LRRTM4: variants seen among roughly 807,000 people sequenced by gnomAD.
LRRTM4 encodes the protein leucine-rich repeat transmembrane neuronal protein 4.
A neutral mutation model predicts 47.6 loss-of-function variants in LRRTM4; 25 were observed. The ratio of observed to expected loss-of-function variants is 0.53; its 90% CI spans 0.38 to 0.73. LRRTM4 has a LOEUF of 0.73. Among genes scored for constraint, LRRTM4 ranks in the 30% least tolerant of loss-of-function variants. The pLI, the probability that LRRTM4 is intolerant of heterozygous loss-of-function variation, is 0.00. For missense variants in LRRTM4, 638 were observed against 713.4 expected (o/e 0.89, Z 1.20); for synonymous variants, 311 against 269.5 (o/e 1.15, Z -1.51).
intron 3 of LRRTM4, among the ~76,000 whole-genome samples, chr2:76,830,407 A>T (rs1429390520): frequency 6.6e-6 from 1 of 151,684 alleles, no homozygotes; most frequent in Non-Finnish European, 1.5e-5. Flanking sequence ...CTGATATTTT[A>T]TTTTTTTAAT....
At chr2:76,959,986 G>A (rs1675800958) in intron 3 of LRRTM4, among the ~76,000 whole-genome samples, 1 of 151,002 alleles carries the variant, frequency 6.6e-6, no homozygotes, top group South Asian at 2.1e-4. Context: ...ATTAAAAATG[G>A]AAACTTGGCC....
At chr2:77,396,793 C>A (rs2103826137) in intron 3 of LRRTM4, among the ~76,000 whole-genome samples, 2 of 151,990 alleles carry the variant, frequency 1.3e-5, no homozygotes, top group East Asian at 3.9e-4. Flanking sequence ...GATTAAACAG[C>A]ATTGTTGCTG....
chr2:77,090,819 C>A (rs1271171193), intron 3 of LRRTM4, among the ~76,000 whole-genome samples: 1 of 152,038 alleles, frequency 6.6e-6, no homozygotes, highest in East Asian at 1.9e-4. Flanking sequence ...CTGACTGACT[C>A]CTCCTCGGCT....
intron 3 of LRRTM4, among the ~76,000 whole-genome samples, chr2:77,269,008 G>A (rs1676124834): frequency 6.6e-6 from 1 of 152,116 alleles, no homozygotes; most frequent in African/African-American, 2.4e-5. Flanking sequence ...ACTATAGCTT[G>A]AGAACCACTG....
chr2:76,930,023 T>C (rs991949209), intron 3 of LRRTM4, among the ~76,000 whole-genome samples: 1 of 152,010 alleles, frequency 6.6e-6, no homozygotes, highest in African/African-American at 2.4e-5. Context: ...AAAAACTATC[T>C]CTGGTGGTTA....
chr2:77,256,575 G>A (rs1675772938), intron 3 of LRRTM4, among the ~76,000 whole-genome samples: 2 of 152,016 alleles, frequency 1.3e-5, no homozygotes, highest in Admixed American at 1.3e-4. Flanking sequence ...TTTTATAAAG[G>A]AGAGTTGCCC....
intron 3 of LRRTM4, among the ~76,000 whole-genome samples, chr2:77,169,187 C>A (rs960465621): frequency 6.6e-6 from 1 of 152,032 alleles, no homozygotes; most frequent in African/African-American, 2.4e-5. Context: ...CTACTTTCAC[C>A]ATTCTTATTT....
chr2:77,468,773 C>T (rs1439868042), intron 3 of LRRTM4, among the ~76,000 whole-genome samples: 1 of 152,130 alleles, frequency 6.6e-6, no homozygotes, highest in Non-Finnish European at 1.5e-5. Context: ...CCTGGCCAAA[C>T]TCTCATGATG....
rs1171560206 is a variant in LRRTM4 at position 76,939,035 on chromosome 2, GA to G, written c.1552-190120del. The stretch of plus-strand genomic sequence containing the variant: ...ATTATGAATAAGTTAGGGGAATCTA[GA>G]AAACTCCCCACACATTCTACTTTCT... On this transcript the variant is annotated intron_variant, in intron 3 of 3. Coordinates refer to ENST00000409884, the MANE Select transcript of LRRTM4 (RefSeq NM_001134745.3). 2.0e-5 allele frequency among the ~76,000 whole-genome samples: 3 copies of G among 151,894 alleles called. No homozygotes were observed. The East Asian group carries it at 5.8e-4, about 29-fold the overall frequency.
chr2:76,963,464 G>A (rs754759000), intron 3 of LRRTM4, among the ~76,000 whole-genome samples: 9 of 150,906 alleles, frequency 6.0e-5, no homozygotes, highest in Middle Eastern at 3.4e-3. Flanking sequence ...CAGGCAATAC[G>A]TAATATAAAC....
In LRRTM4 at chr2:76,947,419, G is replaced by T. The variant is rs551520531; in HGVS notation, c.1552-198503C>A. ...GAATTTGAAGCCAGGTTCTTATGAG[G>T]AATAGTCATTATACACTAAATACAA... On this transcript the variant is annotated intron_variant, in intron 3 of 3. Transcript: ENST00000409884. 2.6e-5 allele frequency among the ~76,000 whole-genome samples: 4 copies of T among 151,858 alleles called. No individual in the cohort carries two copies. The South Asian group carries it at 8.3e-4, about 32-fold the overall frequency.
chr2:77,083,853 G>A (rs1260420921), intron 3 of LRRTM4, among the ~76,000 whole-genome samples: 1 of 125,890 alleles, frequency 7.9e-6, no homozygotes, highest in South Asian at 2.6e-4. Flanking sequence ...CGCCCAGGCT[G>A]GAGTGCAATG....
chr2:77,518,779 G>A lies in LRRTM4; in HGVS notation c.1090C>T (p.Gln364Ter). Residue 364 changes from glutamine (Q) to a stop codon, truncating the protein, a stop_gained, in exon 3 of 4, where the codon CAG becomes TAG. Transcript: ENST00000409884. LOFTEE classifies it high-confidence loss of function. The stretch of plus-strand genomic sequence containing the variant: ...TGTGATCTTTCTGTGTTGACCACCT[G>A]GACTTCAGAACAGATATTATATGTT... Reference protein sequence around the residue: ...VETYNICSEVQVVNTERSHLV... With the variant: ...VETYNICSEV 6.2e-7 allele frequency: 1 copy of A among 1,613,016 alleles called. No homozygotes were observed. The highest frequency in any genetic ancestry group is 1.3e-5 in the African/African-American group (1 of 74,978).
At chr2:76,776,526 T>C (rs1674002654) in intron 3 of LRRTM4, among the ~76,000 whole-genome samples, 1 of 152,020 alleles carries the variant, frequency 6.6e-6, no homozygotes, top group Non-Finnish European at 1.5e-5. Flanking sequence ...GAGCATTTTT[T>C]CATGTGTTTT....
intron 3 of LRRTM4, among the ~76,000 whole-genome samples, chr2:76,932,251 G>A (rs1427083267): frequency 6.6e-6 from 1 of 152,010 alleles, no homozygotes; most frequent in Non-Finnish European, 1.5e-5. Context: ...TACTAGGGAG[G>A]GGTAAAATTT....
At chr2:77,229,408 C>G (rs1674903394) in intron 3 of LRRTM4, among the ~76,000 whole-genome samples, 1 of 152,078 alleles carries the variant, frequency 6.6e-6, no homozygotes, top group Middle Eastern at 3.2e-3. Context: ...TTCTAACCTT[C>G]TTTGATATAT....
intron 3 of LRRTM4, among the ~76,000 whole-genome samples, chr2:76,839,426 C>T (rs752609539): frequency 6.6e-6 from 1 of 152,004 alleles, no homozygotes; most frequent in Non-Finnish European, 1.5e-5. Flanking sequence ...CTTAAAGTAA[C>T]AAGAAATCAA....
chr2:76,889,161 C>A (rs1225428436), intron 3 of LRRTM4, among the ~76,000 whole-genome samples: 1 of 151,730 alleles, frequency 6.6e-6, no homozygotes, highest in African/African-American at 2.4e-5. Flanking sequence ...TGATTTTGCA[C>A]TTGATTAGAT....
chr2:76,878,201 G>A (rs1263765262), intron 3 of LRRTM4, among the ~76,000 whole-genome samples: 1 of 152,050 alleles, frequency 6.6e-6, no homozygotes, highest in Non-Finnish European at 1.5e-5. Context: ...ACAGCAAACG[G>A]CACTCATATA....
Sources: allele counts gnomAD v4.1 joint callset (sites outside exome capture counted in the v4.1 genomes callset), GRCh38; gene constraint gnomAD v4.1.1; transcripts MANE v1.5; gene names NCBI Gene and HGNC (gene_info 2026-07-23, HGNC 2026-07-21).